The following USP13 variants were observed in gnomAD, a reference collection of about 807,000 sequenced individuals.
The protein encoded by USP13 is ubiquitin carboxyl-terminal hydrolase 13.
In USP13, 68 loss-of-function variants were observed where a neutral mutation model predicts 107.8. The ratio of observed to expected loss-of-function variants is 0.63; its 90% CI spans 0.52 to 0.77. USP13 has a LOEUF of 0.77. Among genes scored for constraint, USP13 ranks in the 30% least tolerant of loss-of-function variants. USP13 has a pLI of 0.00. For missense variants in USP13, 945 were observed against 1,093.3 expected, an observed-to-expected ratio of 0.86 and a Z score of 1.91; for synonymous variants, 377 against 389.5, an observed-to-expected ratio of 0.97 and a Z score of 0.38.
chr3:179,688,065 C>G (rs568386028), intron 2 of USP13, among the ~76,000 whole-genome samples: 2 of 151,308 alleles, frequency 1.3e-5, no homozygotes, highest in South Asian at 4.2e-4. Flanking sequence ...TGTTTTACTC[C>G]CTGTAATCAG....
At chr3:179,740,101 A>C in intron 10 of USP13, 146 bp from the exon 11 acceptor site, 25 of 1,084,828 alleles carry the variant, frequency 2.3e-5, no homozygotes, top group Non-Finnish European at 3.1e-5. Flanking sequence ...CCCAGCGAGT[A>C]TTGGCCACTA....
chr3:179,745,312 T>TGTGTGTGTTTGTTC, intron 13 of USP13, 95 bp downstream of exon 13: 4 of 1,434,434 alleles, frequency 2.8e-6, no homozygotes, highest in Non-Finnish European at 3.8e-6. Flanking sequence ...TATTTGTGTC[T>TGTGTGTGTTTGTTC]GTGTGTGTTT....
intron 2 of USP13, among the ~76,000 whole-genome samples, chr3:179,689,521 G>A (rs1182155389): frequency 6.6e-6 from 1 of 151,986 alleles, no homozygotes; most frequent in East Asian, 1.9e-4. Context: ...AGCTGGGTGT[G>A]GTGGCAGCCG....
At chr3:179,688,510 A>G (rs1711980021) in intron 2 of USP13, among the ~76,000 whole-genome samples, 1 of 152,246 alleles carries the variant, frequency 6.6e-6, no homozygotes, top group Non-Finnish European at 1.5e-5. Flanking sequence ...ACATGGGCAC[A>G]GTCATATTTG....
rs550639763 is a variant in USP13, at chr3:179,668,259, T to C, written c.169-13619T>C. Reference sequence around the variant, plus strand: ...AAGTGGTCCTCCCGCCTCAGCCTTTTGAGTAGCTGGGACTACAGGTGTGCA... The same window carrying C: ...AAGTGGTCCTCCCGCCTCAGCCTTTCGAGTAGCTGGGACTACAGGTGTGCA... On this transcript the variant is annotated intron_variant, in intron 1 of 20. Transcript: ENST00000263966. Among the ~76,000 whole-genome samples, 11 of 152,108 alleles carry C rather than the reference T, an allele frequency of 7.2e-5. No homozygotes were observed. In the South Asian group the frequency reaches 1.2e-3, roughly 17 times the overall value.
intron 2 of USP13, among the ~76,000 whole-genome samples, chr3:179,683,384 C>T (rs1711735619): frequency 1.3e-5 from 2 of 152,080 alleles, no homozygotes; most frequent in African/African-American, 4.8e-5. Flanking sequence ...GTCATAAAGA[C>T]ATTTTATACT....
intron 13 of USP13, among the ~76,000 whole-genome samples, chr3:179,746,464 C>T (rs1472365012): frequency 6.7e-6 from 1 of 149,132 alleles, no homozygotes; most frequent in East Asian, 2.0e-4. Flanking sequence ...CGGAGTTTTG[C>T]TTTTGTTGCC....
chr3:179,755,790 A>G (rs1472858153), intron 15 of USP13, among the ~76,000 whole-genome samples: 2 of 152,232 alleles, frequency 1.3e-5, no homozygotes. Flanking sequence ...ATAACGACAG[A>G]GCACTCTGGG....
Position 179,721,709 on chromosome 3 carries a change from C to T in USP13, c.1088+120C>T. 1 of 1,062,844 alleles carries T rather than the reference C, an allele frequency of 9.4e-7. No individual in the cohort carries two copies. Among genetic ancestry groups the T allele is most frequent in the Non-Finnish European group, 1.3e-6 (1 of 748,408 alleles). The allele number at this position is 1,062,844 out of a possible 1,614,324, so 65.8% of individuals were successfully genotyped here. ...GCTTCAGGACATTTTGCCACCTTTT[C>T]TCTGGCCTGCCTTCTACAGAGACTG... On this transcript the variant is annotated intron_variant, in intron 8 of 20. Coordinates refer to ENST00000263966, the MANE Select transcript of USP13 (RefSeq NM_003940.3). This position sits in a 1 kb window ranked among gnomAD's most constrained non-coding sequence, Gnocchi z 4.3.
intron 1 of USP13, 93 bp from the exon 2 acceptor site, chr3:179,681,785 C>CT: frequency 6.7e-7 from 1 of 1,489,680 alleles, no homozygotes; most frequent in Non-Finnish European, 9.0e-7. Flanking sequence ...CAGGCCTCGT[C>CT]TTCAGCGTTT....
At chr3:179,662,335 C>T (rs1720480849) in intron 1 of USP13, among the ~76,000 whole-genome samples, 1 of 152,060 alleles carries the variant, frequency 6.6e-6, no homozygotes, top group Non-Finnish European at 1.5e-5. Context: ...ACATAGAAAA[C>T]CTTTCTCTTT....
At chr3:179,722,924 C>T (rs1031880693) in intron 8 of USP13, among the ~76,000 whole-genome samples, 4 of 152,198 alleles carry the variant, frequency 2.6e-5, no homozygotes, top group Admixed American at 1.3e-4. Context: ...AGGGGGACAG[C>T]AGCTATGTCT....
At chr3:179,768,539 A>G (rs548018536) in intron 19 of USP13, among the ~76,000 whole-genome samples, 1 of 152,350 alleles carries the variant, frequency 6.6e-6, no homozygotes, top group African/African-American at 2.4e-5. Flanking sequence ...CAAGATATGC[A>G]GGATATAAAG....
intron 1 of USP13, among the ~76,000 whole-genome samples, chr3:179,665,094 A>C (rs1051512761): frequency 2.0e-5 from 3 of 152,168 alleles, no homozygotes; most frequent in Non-Finnish European, 4.4e-5. Flanking sequence ...CTCAAAAGAA[A>C]AAAAAAAGAT....
intron 19 of USP13, among the ~76,000 whole-genome samples, chr3:179,772,676 G>C (rs1469972990): frequency 1.3e-5 from 2 of 152,158 alleles, no homozygotes; most frequent in East Asian, 3.8e-4. Context: ...TTTTTTCAGC[G>C]GTGCTGTTGA....
At chr3:179,684,270 T>TAC (rs58817778) in intron 2 of USP13, among the ~76,000 whole-genome samples, 13,024 of 115,674 alleles carry the variant, frequency 0.11, 809 homozygotes, top group African/African-American at 0.18. Context: ...TATCACCCTT[T>TAC]ACACACACAC....
intron 1 of USP13, among the ~76,000 whole-genome samples, chr3:179,660,850 C>A (rs1021304227): frequency 6.6e-6 from 1 of 152,188 alleles, no homozygotes; most frequent in African/African-American, 2.4e-5. Context: ...ATTAGTTTCA[C>A]ATGTCAAAAG....
chr3:179,701,094 A>G lies in USP13; in HGVS notation c.442A>G (p.Ile148Val), dbSNP rs2108474423. 1.3e-5 allele frequency: 21 copies of G among 1,613,994 alleles called. No individual in the cohort carries two copies. Among genetic ancestry groups the G allele is most frequent in the Non-Finnish European group, 1.8e-5 (21 of 1,180,014 alleles). Residue 148 changes from isoleucine (I) to valine (V), a missense_variant, in exon 4 of 21, where the codon ATA becomes GTA. By Grantham distance (29) the Ile-to-Val change is conservative (BLOSUM62 3). Transcript: ENST00000263966. ...KLVIFPDHYE[I>V]ALPNIEELPA... ...TGTTATATTCCCAGATCACTATGAA[A>G]TAGCACTACCAAATATTGAGGAGTT...
intron 1 of USP13, among the ~76,000 whole-genome samples, chr3:179,659,316 C>T (rs576642957): frequency 1.3e-5 from 2 of 152,256 alleles, no homozygotes; most frequent in Non-Finnish European, 2.9e-5. Context: ...AGTGGTGTGC[C>T]TGGTATTCTC....
Sources: allele counts gnomAD v4.1 joint callset (sites outside exome capture counted in the v4.1 genomes callset), GRCh38; gene constraint gnomAD v4.1.1; non-coding constraint Gnocchi (gnomAD v3.1); transcripts MANE v1.5; gene names NCBI Gene and HGNC (gene_info 2026-07-23, HGNC 2026-07-21).